Variants in NAV3 observed in about 807,000 individuals in gnomAD.
The protein encoded by NAV3 is pore membrane and/or filament interacting like protein 1.
A neutral mutation model predicts 244.7 loss-of-function variants in NAV3; 87 were observed. The ratio of observed to expected loss-of-function variants is 0.36; its 90% CI spans 0.30 to 0.42. The LOEUF (loss-of-function observed/expected upper bound fraction) is 0.42. NAV3 is among the 20% of genes least tolerant of loss of function. The pLI, the probability that NAV3 is intolerant of heterozygous loss-of-function variation, is 1.00. For missense variants in NAV3, 2,663 were observed against 2,893.3 expected (o/e 0.92, Z 1.83); for synonymous variants, 1,126 against 1,042.2 (o/e 1.08, Z -1.55).
intron 9 of NAV3, among the ~76,000 whole-genome samples, chr12:78,034,837 CA>C (rs773062914): frequency 3.9e-5 from 6 of 152,282 alleles, no homozygotes; most frequent in Non-Finnish European, 8.8e-5. Flanking sequence ...AAATACTTTA[CA>C]AAATTGTGTT....
At chr12:77,697,508 C>CT (rs1875362363) in intron 2 of NAV3, among the ~76,000 whole-genome samples, 2 of 152,074 alleles carry the variant, frequency 1.3e-5, no homozygotes, top group Non-Finnish European at 2.9e-5. Flanking sequence ...TTTGTGTGAG[C>CT]TTTTTTGCCC....
intron 9 of NAV3, among the ~76,000 whole-genome samples, chr12:78,039,829 A>C (rs1880551681): frequency 6.6e-6 from 1 of 152,010 alleles, no homozygotes; most frequent in Non-Finnish European, 1.5e-5. Flanking sequence ...CTTTGCACCA[A>C]TGTTAAAAAC....
chr12:77,892,071 T>C (rs1364673042), intron 1 of NAV3, among the ~76,000 whole-genome samples: 1 of 152,240 alleles, frequency 6.6e-6, no homozygotes, highest in African/African-American at 2.4e-5. Context: ...TTTTTATAAT[T>C]ATTTTTGTCA....
intron 31 of NAV3, among the ~76,000 whole-genome samples, chr12:78,187,702 T>G (rs1958787214): frequency 6.6e-6 from 1 of 151,924 alleles, no homozygotes; most frequent in South Asian, 2.1e-4. Context: ...TTTGTAGGTA[T>G]GCAAATACCT....
intron 12 of NAV3, among the ~76,000 whole-genome samples, chr12:78,064,706 C>T (rs1472487952): frequency 2.0e-5 from 3 of 152,046 alleles, no homozygotes; most frequent in African/African-American, 7.2e-5. Context: ...GATATAAGGT[C>T]AGTCACTATA....
intron 5 of NAV3, among the ~76,000 whole-genome samples, chr12:77,974,301 A>G (rs1893267315): frequency 6.6e-6 from 1 of 151,894 alleles, no homozygotes; most frequent in Non-Finnish European, 1.5e-5. Context: ...TTTTGTTTTG[A>G]GATAGAATCT....
intron 1 of NAV3, among the ~76,000 whole-genome samples, chr12:77,929,798 A>ATTTTTTTTTTTTTTTTTTTTT (rs10602394): frequency 9.4e-6 from 1 of 106,044 alleles, no homozygotes; most frequent in Non-Finnish European, 1.8e-5. Context: ...ACGGCCAGCT[A>ATTTTTTTTTTTTTTTTTTTTT]TTTTTTTTTT....
intron 2 of NAV3, among the ~76,000 whole-genome samples, chr12:77,671,937 G>A (rs1065947): frequency 0.15 from 23,016 of 152,076 alleles, 2,620 homozygotes; most frequent in African/African-American, 0.32. Flanking sequence ...CTTCTGCACA[G>A]CAAAATAAAC....
intron 2 of NAV3, among the ~76,000 whole-genome samples, chr12:77,801,840 A>G (rs977103311): frequency 2.0e-5 from 3 of 152,098 alleles, no homozygotes; most frequent in African/African-American, 7.2e-5. Flanking sequence ...CATCAGAGAC[A>G]TTCATCTTTA....
intron 1 of NAV3, among the ~76,000 whole-genome samples, chr12:77,840,516 G>A (rs113639229): frequency 1.3e-4 from 20 of 152,122 alleles, no homozygotes; most frequent in Non-Finnish European, 2.9e-4. Flanking sequence ...TAGTAAAACA[G>A]GCTATAGATG....
intron 2 of NAV3, among the ~76,000 whole-genome samples, chr12:77,819,570 C>G (rs1303045449): frequency 6.6e-6 from 1 of 151,792 alleles, no homozygotes; most frequent in Non-Finnish European, 1.5e-5. Context: ...TTTTTCTACT[C>G]TCACCGTTGC....
At chr12:77,795,889 T>C (rs1398729824) in intron 2 of NAV3, among the ~76,000 whole-genome samples, 1 of 152,170 alleles carries the variant, frequency 6.6e-6, no homozygotes, top group East Asian at 1.9e-4. Context: ...TAAGCCTACT[T>C]TGGGGACCTA....
At chr12:77,714,562 C>G (rs1024766561) in intron 2 of NAV3, among the ~76,000 whole-genome samples, 1 of 152,062 alleles carries the variant, frequency 6.6e-6, no homozygotes, top group Non-Finnish European at 1.5e-5. Flanking sequence ...TTAGAGATTT[C>G]TGTAATAGGA....
chr12:77,967,135 G>A (rs1401802524), intron 4 of NAV3, among the ~76,000 whole-genome samples: 1 of 151,976 alleles, frequency 6.6e-6, no homozygotes, highest in East Asian at 1.9e-4. Flanking sequence ...ATAATATGTT[G>A]CTAAGTAGTT....
intron 2 of NAV3, among the ~76,000 whole-genome samples, chr12:77,738,762 G>C (rs1461273529): frequency 1.3e-5 from 2 of 152,162 alleles, no homozygotes; most frequent in Non-Finnish European, 2.9e-5. Context: ...TGTAATGCCA[G>C]GACTTTGGGA....
At chr12:77,898,549 G>A (rs145721478) in intron 1 of NAV3, among the ~76,000 whole-genome samples, 1 of 152,276 alleles carries the variant, frequency 6.6e-6, no homozygotes, top group East Asian at 1.9e-4. Flanking sequence ...TGTCCCTTCA[G>A]TATTATTCAC....
intron 1 of NAV3, among the ~76,000 whole-genome samples, chr12:77,908,836 T>C (rs149818036): frequency 1.2e-4 from 18 of 152,232 alleles, no homozygotes; most frequent in African/African-American, 4.3e-4. Context: ...TTTTTGCCTA[T>C]GAAAATAGAT....
At chr12:77,726,278 C>A (rs928934630) in intron 2 of NAV3, among the ~76,000 whole-genome samples, 4 of 151,872 alleles carry the variant, frequency 2.6e-5, no homozygotes, top group Non-Finnish European at 5.9e-5. Flanking sequence ...CAGTGAATAT[C>A]TTTTTCACAG....
At chr12:78,162,942 T>TATTAC (rs1957625084) in intron 23 of NAV3, among the ~76,000 whole-genome samples, 1 of 128,644 alleles carries the variant, frequency 7.8e-6, no homozygotes, top group African/African-American at 2.7e-5. Flanking sequence ...ATTACATATT[T>TATTAC]ATAAATATGT....
Sources: gnomAD v4.1 joint callset for allele counts (sites outside exome capture counted in the v4.1 genomes callset) on GRCh38, gnomAD v4.1.1 for gene constraint, MANE v1.5 for transcripts, NCBI Gene and HGNC (gene_info 2026-07-23, HGNC 2026-07-21) for gene names.